The following ARHGEF10L variants were observed in gnomAD, a reference collection of about 807,000 sequenced individuals.
The protein encoded by ARHGEF10L is Rho guanine nucleotide exchange factor 10 like.
In ARHGEF10L, 69 loss-of-function variants were observed where a neutral mutation model predicts 141.2. The ratio of observed to expected loss-of-function variants is 0.49; its 90% confidence interval spans 0.40 to 0.60. The LOEUF is 0.60. Among genes scored for constraint, ARHGEF10L ranks in the 20% least tolerant of loss-of-function variants. The pLI is 0.00. For synonymous variants in ARHGEF10L, 711 were observed against 718.5 expected (o/e 0.99, Z 0.17); for missense variants, 1,482 against 1,734.3 (o/e 0.85, Z 2.58).
intron 1 of ARHGEF10L, among the ~76,000 whole-genome samples, chr1:17,564,266 A>G (rs1373782061): frequency 2.6e-5 from 4 of 152,154 alleles, no homozygotes; most frequent in Non-Finnish European, 5.9e-5. Flanking sequence ...CTCAGCCCCC[A>G]GGTGGTTCTG....
intron 3 of ARHGEF10L, 101 bp from the exon 4 acceptor site, chr1:17,588,345 C>G (rs867752012): frequency 3.0e-6 from 4 of 1,354,432 alleles, no homozygotes; most frequent in Middle Eastern, 5.0e-4. Context: ...CAGGCCCTGT[C>G]TGCGGCGCCC....
chr1:17,637,958 G>A lies in ARHGEF10L; in HGVS notation c.1998G>A (p.Val666=), dbSNP rs1362183624. ...ACCTGCAGAAGGACCTGGCCGTGGTGGAGCAGATCACGCTTCTCATCAGCA... is the reference window on the plus strand; with the variant it reads ...ACCTGCAGAAGGACCTGGCCGTGGTAGAGCAGATCACGCTTCTCATCAGCA... ...LQDLQKDLAV[V]EQITLLISTL... is the part of the protein sequence containing the mutation. The change falls in exon 19 of 29, where the codon GTG becomes GTA. Residue 666 remains valine (V), a synonymous_variant. Coordinates refer to ENST00000361221, the MANE Select transcript of ARHGEF10L (RefSeq NM_018125.4). The A allele has an allele frequency of 1.2e-6, 2 of 1,600,538 alleles. No homozygotes were observed. Among genetic ancestry groups the A allele is most frequent in the East Asian group, 4.5e-5 (2 of 44,372 alleles).
intron 2 of ARHGEF10L, among the ~76,000 whole-genome samples, chr1:17,581,783 T>C (rs1340080452): frequency 6.6e-6 from 1 of 151,404 alleles, no homozygotes; most frequent in African/African-American, 2.4e-5. Context: ...GTGCTTATCA[T>C]CGTGGGTGTC....
intron 1 of ARHGEF10L, among the ~76,000 whole-genome samples, chr1:17,561,277 G>T (rs573878377): frequency 6.6e-6 from 1 of 152,086 alleles, no homozygotes. Flanking sequence ...CCTCCCCCCC[G>T]CCCCGTCATG....
intron 1 of ARHGEF10L, among the ~76,000 whole-genome samples, chr1:17,550,187 G>A (rs903104936): frequency 1.3e-5 from 2 of 152,224 alleles, no homozygotes; most frequent in African/African-American, 4.8e-5. Flanking sequence ...AGGGGTGAGG[G>A]AAAGAGAAGA....
At chr1:17,584,909 A>G (rs1385544712) in intron 2 of ARHGEF10L, among the ~76,000 whole-genome samples, 1 of 152,196 alleles carries the variant, frequency 6.6e-6, no homozygotes, top group Non-Finnish European at 1.5e-5. Flanking sequence ...TGTAACTGAA[A>G]CAGAAGTGTC....
intron 26 of ARHGEF10L, among the ~76,000 whole-genome samples, chr1:17,676,628 C>G (rs2063743718): frequency 6.6e-6 from 1 of 151,954 alleles, no homozygotes; most frequent in African/African-American, 2.4e-5. Flanking sequence ...TGCTATGAGG[C>G]AGACGTGATA....
At chr1:17,538,078 AG>A (rs1389871504), upstream of ARHGEF10L, among the ~76,000 whole-genome samples, 1 of 147,028 alleles carries the variant, frequency 6.8e-6, no homozygotes, top group Non-Finnish European at 1.5e-5. Context: ...AAAAAAACAA[AG>A]AAAGAAAAAA....
At chr1:17,532,497 G>A in the ARHGEF10L span, among the ~76,000 whole-genome samples, 1 of 152,166 alleles carries the variant, frequency 6.6e-6, no homozygotes, top group Non-Finnish European at 1.5e-5. Context: ...GGTTTGGCCT[G>A]CTGGGTAGAG....
At position 17,654,778 on chromosome 1, in the gene ARHGEF10L, A is replaced by G. The variant is rs2062128815; in HGVS notation, c.2481+56A>G. 1.3e-6 allele frequency: 2 copies of G among 1,510,904 alleles called. No individual in the cohort carries two copies. The highest frequency in any genetic ancestry group is 2.7e-5 in the African/African-American group (2 of 72,728). The allele number at this position is 1,510,904 out of a possible 1,614,324, so 93.6% of individuals were successfully genotyped here. A position where few individuals can be genotyped will look rare whatever the true frequency, so the allele number is the denominator to read the frequency against. On this transcript the variant is annotated intron_variant, in intron 23 of 28. Transcript: ENST00000361221. This position sits in a 1 kb window ranked among gnomAD's most constrained non-coding sequence, Gnocchi z 4.3. ...CTGGCCTCAGGACAGGAGTAGGGAG[A>G]GCGGCACCTGGGAGGGGGTGCTGGA...
In ARHGEF10L at chr1:17,592,718, T is replaced by C. The variant is rs1012170346; in HGVS notation, c.257+4239T>C. Among the ~76,000 whole-genome samples, 8 of 152,130 alleles carry C rather than the reference T, an allele frequency of 5.3e-5. No homozygotes were observed. In the East Asian group the frequency reaches 1.5e-3, roughly 29 times the overall value. Reference sequence around the variant, plus strand: ...GAGGAAATCTTCAAGATTTCCCAGATTGCCGCAGACCTAGTCTGGAGTTGT... The same window carrying C: ...GAGGAAATCTTCAAGATTTCCCAGACTGCCGCAGACCTAGTCTGGAGTTGT... On this transcript the variant is annotated intron_variant, in intron 4 of 28. Coordinates refer to ENST00000361221, the MANE Select transcript of ARHGEF10L (RefSeq NM_018125.4).
At chr1:17,626,097 G>T (rs778212877) in intron 14 of ARHGEF10L, 49 bp downstream of exon 14, 6 of 1,562,514 alleles carry the variant, frequency 3.8e-6, no homozygotes, top group Non-Finnish European at 5.3e-6. Flanking sequence ...TTGCCTGTGG[G>T]CTGGGAGGTG....
chr1:17,561,997 C>T (rs2077563149), intron 1 of ARHGEF10L, among the ~76,000 whole-genome samples: 1 of 152,232 alleles, frequency 6.6e-6, no homozygotes, highest in Non-Finnish European at 1.5e-5. Context: ...TTGGACAAGT[C>T]GCTTTGCCTC....
intron 15 of ARHGEF10L, among the ~76,000 whole-genome samples, chr1:17,632,120 G>A (rs995250907): frequency 6.6e-5 from 10 of 152,182 alleles, no homozygotes; most frequent in African/African-American, 2.2e-4. Context: ...CATGGCCTCC[G>A]AGAGGAGGCC....
chr1:17,592,394 C>A (rs556767744), intron 4 of ARHGEF10L, among the ~76,000 whole-genome samples: 53 of 152,176 alleles, frequency 3.5e-4, no homozygotes, highest in Non-Finnish European at 6.6e-4. Context: ...CCTTCCTGGG[C>A]TTTTCTGGAT....
At chr1:17,543,296 T>C (rs2076796984) in intron 1 of ARHGEF10L, among the ~76,000 whole-genome samples, 1 of 152,180 alleles carries the variant, frequency 6.6e-6, no homozygotes, top group African/African-American at 2.4e-5. Flanking sequence ...TATAAAAAAT[T>C]CTGAGGCCAG....
chr1:17,675,950 G>A (rs1346736594), intron 26 of ARHGEF10L, among the ~76,000 whole-genome samples: 1 of 149,948 alleles, frequency 6.7e-6, no homozygotes, highest in Non-Finnish European at 1.5e-5. Flanking sequence ...ATGGGTACAG[G>A]TGTGTGTACA....
chr1:17,675,603 G>C (rs2063605659), intron 26 of ARHGEF10L, among the ~76,000 whole-genome samples: 1 of 151,066 alleles, frequency 6.6e-6, no homozygotes, highest in Non-Finnish European at 1.5e-5. Flanking sequence ...GCAGGTGTGG[G>C]TACAGGTTTG....
At chr1:17,640,145 G>A in intron 20 of ARHGEF10L, 57 bp from the exon 21 acceptor site, 1 of 1,566,894 alleles carries the variant, frequency 6.4e-7, no homozygotes, top group Non-Finnish European at 8.7e-7. Flanking sequence ...TGACAGCTGG[G>A]GGAGCCTGGC....
Sources: gnomAD v4.1 joint callset for allele counts (sites outside exome capture counted in the v4.1 genomes callset) on GRCh38, gnomAD v4.1.1 for gene constraint, Gnocchi (gnomAD v3.1) non-coding constraint, MANE v1.5 for transcripts, NCBI Gene and HGNC (gene_info 2026-07-23, HGNC 2026-07-21) for gene names.